The following GLYATL2 variants were observed in gnomAD, a reference collection of about 807,000 sequenced individuals.
GLYATL2 encodes the protein glycine N-acyltransferase-like protein 2.
In GLYATL2, 25 loss-of-function variants were observed where a neutral mutation model predicts 21.4. The observed-to-expected ratio is 1.17, with a 90% confidence interval of 0.85 to 1.63. The LOEUF (loss-of-function observed/expected upper bound fraction) is 1.63. GLYATL2 is among the 40% of genes most tolerant of loss of function. GLYATL2 has a pLI of 0.00. For missense variants in GLYATL2, 361 were observed against 343.3 expected (o/e 1.05, Z -0.41); for synonymous variants, 114 against 118.2 (o/e 0.96, Z 0.23).
At chr11:58,835,554 A>T (rs2156346) in intron 5 of GLYATL2, among the ~76,000 whole-genome samples, 39,038 of 152,032 alleles carry the variant, frequency 0.26, 5,459 homozygotes, top group East Asian at 0.5. Context: ...CAGGAAGTTT[A>T]GCCCCTCTCC....
At chr11:58,885,880 T>TG (rs1268006829) in intron 1 of GLYATL2, among the ~76,000 whole-genome samples, 1 of 152,096 alleles carries the variant, frequency 6.6e-6, no homozygotes, top group Non-Finnish European at 1.5e-5. Context: ...ATTAGAACAG[T>TG]GGCTTAGAAA....
intron 1 of GLYATL2, among the ~76,000 whole-genome samples, chr11:58,859,489 A>G (rs1853894261): frequency 6.6e-6 from 1 of 152,052 alleles, no homozygotes; most frequent in Non-Finnish European, 1.5e-5. Context: ...TTTTCTTGCT[A>G]TTATGTTTCT....
intron 2 of GLYATL2, 152 bp from the exon 3 acceptor site, chr11:58,838,520 C>T: frequency 2.0e-6 from 1 of 507,242 alleles, no homozygotes; most frequent in Non-Finnish European, 3.5e-6. Flanking sequence ...GCTCATTGGG[C>T]TACTCATTGA....
chr11:58,840,451 A>G (rs1023588108), intron 1 of GLYATL2, among the ~76,000 whole-genome samples: 2 of 152,204 alleles, frequency 1.3e-5, no homozygotes, highest in Admixed American at 6.5e-5. Flanking sequence ...TTACCAGGCA[A>G]CTATCAAAAT....
chr11:58,871,633 ATAGTAT>A (rs1565099921), intron 1 of GLYATL2, among the ~76,000 whole-genome samples: 2 of 151,988 alleles, frequency 1.3e-5, no homozygotes, highest in Non-Finnish European at 2.9e-5. Flanking sequence ...TTATGGCTGC[ATAGTAT>A]TCCATGGTGT....
intron 5 of GLYATL2, among the ~76,000 whole-genome samples, chr11:58,835,098 T>C (rs1310230798): frequency 1.3e-5 from 2 of 152,106 alleles, no homozygotes; most frequent in Non-Finnish European, 2.9e-5. Flanking sequence ...TCCCACTAAG[T>C]GCCCTAAGGA....
upstream of GLYATL2, among the ~76,000 whole-genome samples, chr11:58,849,627 A>G (rs1294792337): frequency 6.6e-6 from 1 of 152,224 alleles, no homozygotes; most frequent in Non-Finnish European, 1.5e-5. Context: ...AAAGAAGAAT[A>G]TCAATCCTAC....
intron 1 of GLYATL2, among the ~76,000 whole-genome samples, chr11:58,866,198 T>G (rs909018449): frequency 6.7e-6 from 1 of 148,944 alleles, no homozygotes; most frequent in Non-Finnish European, 1.5e-5. Flanking sequence ...AAGATTCCAC[T>G]TTGGTGTCAA....
chr11:58,868,481 G>A (rs1346989645), intron 1 of GLYATL2, among the ~76,000 whole-genome samples: 6 of 148,956 alleles, frequency 4.0e-5, no homozygotes, highest in Non-Finnish European at 7.5e-5. Context: ...TAGTTGGTCA[G>A]GGAGATGGAT....
intron 1 of GLYATL2, among the ~76,000 whole-genome samples, chr11:58,878,989 C>T (rs886147802): frequency 1.3e-5 from 2 of 152,108 alleles, no homozygotes; most frequent in African/African-American, 4.8e-5. Context: ...GCCTTGCACT[C>T]TTTGTTGATG....
chr11:58,897,678 AG>A (rs1854658302), intron 1 of GLYATL2, among the ~76,000 whole-genome samples: 1 of 152,190 alleles, frequency 6.6e-6, no homozygotes. Flanking sequence ...CATGTGTTAT[AG>A]GGCCTTGGTA....
chr11:58,901,288 G>T (rs556397482), intron 1 of GLYATL2, among the ~76,000 whole-genome samples: 13 of 152,254 alleles, frequency 8.5e-5, no homozygotes, highest in African/African-American at 3.1e-4. Flanking sequence ...TACCGATGGA[G>T]CTCAGCGATA....
At chr11:58,835,084 A>C (rs1853404868) in intron 5 of GLYATL2, among the ~76,000 whole-genome samples, 2 of 152,154 alleles carry the variant, frequency 1.3e-5, no homozygotes, top group Admixed American at 6.5e-5. Flanking sequence ...GACATCTCAA[A>C]ATATCCCACT....
At chr11:58,872,114 A>G (rs891051831) in intron 1 of GLYATL2, among the ~76,000 whole-genome samples, 14 of 152,116 alleles carry the variant, frequency 9.2e-5, no homozygotes, top group African/African-American at 3.1e-4. Context: ...TCCTTCACCC[A>G]TTTTTTGATG....
At chr11:58,838,750 C>A (rs1377042560) in intron 2 of GLYATL2, among the ~76,000 whole-genome samples, 1 of 152,016 alleles carries the variant, frequency 6.6e-6, no homozygotes, top group Non-Finnish European at 1.5e-5. Flanking sequence ...GATATGGCTA[C>A]AACCCTAAAG....
At chr11:58,882,852 G>C in intron 1 of GLYATL2, among the ~76,000 whole-genome samples, 1 of 151,670 alleles carries the variant, frequency 6.6e-6, no homozygotes, top group East Asian at 1.9e-4. Flanking sequence ...CTTTAGGTTT[G>C]TCAAAGATCA....
At chr11:58,896,109 C>T (rs982516656) in intron 1 of GLYATL2, among the ~76,000 whole-genome samples, 1 of 152,158 alleles carries the variant, frequency 6.6e-6, no homozygotes, top group Non-Finnish European at 1.5e-5. Context: ...CCCTCCGCGG[C>T]CTCCGAAAGT....
intron 1 of GLYATL2, among the ~76,000 whole-genome samples, chr11:58,895,120 C>G (rs1208538430): frequency 2.0e-5 from 3 of 152,134 alleles, no homozygotes; most frequent in African/African-American, 7.2e-5. Flanking sequence ...CTCCTCTGTC[C>G]CTTCCCTGAA....
chr11:58,878,610 A>G (rs1854280296), intron 1 of GLYATL2, among the ~76,000 whole-genome samples: 1 of 152,216 alleles, frequency 6.6e-6, no homozygotes, highest in South Asian at 2.1e-4. Context: ...TGCAGAATTT[A>G]TAAAATTTGG....
Sources: gnomAD v4.1 joint callset for allele counts (sites outside exome capture counted in the v4.1 genomes callset) on GRCh38, gnomAD v4.1.1 for gene constraint, MANE v1.5 for transcripts, NCBI Gene and HGNC (gene_info 2026-07-23, HGNC 2026-07-21) for gene names.